The following PTK2B variants were observed in gnomAD, a reference collection of about 807,000 sequenced individuals.
The protein encoded by PTK2B is protein tyrosine kinase 2 beta, also known as protein-tyrosine kinase 2-beta.
A neutral mutation model predicts 142.9 loss-of-function variants in PTK2B; 71 were observed. The ratio of observed to expected loss-of-function variants is 0.50; its 90% CI spans 0.41 to 0.61. The LOEUF is 0.61. Among genes scored for constraint, PTK2B ranks in the 20% least tolerant of loss-of-function variants. PTK2B has a pLI of 0.00. For synonymous variants in PTK2B, 519 were observed against 503.4 expected (o/e 1.03, Z -0.42); for missense variants, 1,105 against 1,320.4 (o/e 0.84, Z 2.53).
At chr8:27,372,469 C>T (rs1586181683) in intron 1 of PTK2B, among the ~76,000 whole-genome samples, 2 of 152,266 alleles carry the variant, frequency 1.3e-5, no homozygotes. Flanking sequence ...GCAGGGGGGT[C>T]AGCCTTTTGT....
chr8:27,451,452 T>C, intron 26 of PTK2B, 33 bp from the exon 27 acceptor site: 2 of 1,613,312 alleles, frequency 1.2e-6, no homozygotes, highest in East Asian at 2.2e-5. Flanking sequence ...GCCGCATGAG[T>C]GACGTTCCTG....
At chr8:27,454,721 G>A in intron 30 of PTK2B, 110 bp downstream of exon 30, 2 of 1,154,582 alleles carry the variant, frequency 1.7e-6, no homozygotes, top group Non-Finnish European at 2.5e-6. Flanking sequence ...TGTCCACTGA[G>A]TCCCCACCAG....
intron 1 of PTK2B, among the ~76,000 whole-genome samples, chr8:27,335,941 T>A (rs1804034716): frequency 6.6e-6 from 1 of 152,186 alleles, no homozygotes; most frequent in African/African-American, 2.4e-5. Context: ...GAAGGCGAGG[T>A]ACCTACCAGG....
intron 1 of PTK2B, among the ~76,000 whole-genome samples, chr8:27,377,492 A>G (rs1236954560): frequency 1.3e-5 from 2 of 152,214 alleles, no homozygotes; most frequent in Admixed American, 6.5e-5. Context: ...TGCCAGTGTG[A>G]TAAGAACTTT....
rs1812301432 is a variant in PTK2B at position 27,458,546 on chromosome 8, C to T, written c.*37C>T. 6.5e-7 allele frequency: 1 copy of T among 1,541,200 alleles called. No individual in the cohort carries two copies. The highest frequency in any genetic ancestry group is 1.2e-5 in the South Asian group (1 of 83,766). The stretch of plus-strand genomic sequence containing the variant: ...GGCCACCTGCCTGCGTCTTCCGCCC[C>T]TGCCTGCCATGTACCTCCCCTGCCT... On this transcript the variant is annotated 3_prime_UTR_variant, in exon 31 of 31. Coordinates refer to ENST00000346049, the MANE Select transcript of PTK2B (RefSeq NM_173176.3).
chr8:27,439,114 A>T lies in PTK2B; in HGVS notation c.1727A>T (p.Asp576Val). ...TTTGGTCTTTCCCGGTACATTGAGG[A>T]CGAGGACTATTACAAAGGTGAGGGG... is the stretch of plus-strand genomic sequence containing the variant. ...GDFGLSRYIE[D>V]EDYYKASVTR... Residue 576 changes from aspartate to valine, a missense_variant, in exon 19 of 31, where the codon GAC becomes GTC. Asp to Val is a radical substitution (Grantham distance 152). Coordinates refer to ENST00000346049, the MANE Select transcript of PTK2B (RefSeq NM_173176.3). The T allele has an allele frequency of 6.2e-7, 1 of 1,613,802 alleles. No individual in the cohort carries two copies. Among genetic ancestry groups the T allele is most frequent in the South Asian group, 1.1e-5 (1 of 91,070 alleles).
At chr8:27,422,448 C>T (rs897214418) in intron 5 of PTK2B, 65 bp downstream of exon 5, 1 of 1,373,242 alleles carries the variant, frequency 7.3e-7, no homozygotes. Context: ...CCCGACCTTT[C>T]CCCATGTCCA....
intron 6 of PTK2B, 92 bp from the exon 7 acceptor site, chr8:27,430,272 C>T: frequency 6.3e-7 from 1 of 1,591,538 alleles, no homozygotes; most frequent in Non-Finnish European, 8.6e-7. Flanking sequence ...GTCTCTAGGT[C>T]CCAAAGCCCT....
chr8:27,411,354 C>G (rs1809051351), intron 2 of PTK2B, among the ~76,000 whole-genome samples: 1 of 152,118 alleles, frequency 6.6e-6, no homozygotes, highest in African/African-American at 2.4e-5. Context: ...CAGCACTTAC[C>G]TTTCTGTTAC....
chr8:27,389,129 T>C (rs899859373), intron 1 of PTK2B, among the ~76,000 whole-genome samples: 2 of 152,156 alleles, frequency 1.3e-5, no homozygotes, highest in Non-Finnish European at 2.9e-5. Context: ...TTGTGTGTTT[T>C]GTTCCGTTTT....
chr8:27,354,498 C>A (rs1249362616), intron 1 of PTK2B, among the ~76,000 whole-genome samples: 1 of 152,126 alleles, frequency 6.6e-6, no homozygotes, highest in East Asian at 1.9e-4. Flanking sequence ...ACAGATGAAA[C>A]AATTGAGGTC....
At chr8:27,438,104 A>T in intron 18 of PTK2B, 1 of 503,618 alleles carries the variant, frequency 2.0e-6, no homozygotes, top group African/African-American at 1.9e-5. Context: ...AGTAACTCTG[A>T]AGTCCGAGGT....
chr8:27,315,519 T>C (rs1803074798), intron 3 of PTK2B, among the ~76,000 whole-genome samples: 1 of 152,132 alleles, frequency 6.6e-6, no homozygotes, highest in Non-Finnish European at 1.5e-5. Context: ...GTCGTCTCAT[T>C]CTCTTTCACT....
chr8:27,327,972 A>G (rs867097010), intron 1 of PTK2B, among the ~76,000 whole-genome samples: 17 of 152,342 alleles, frequency 1.1e-4, no homozygotes, highest in Admixed American at 4.6e-4. Context: ...GCTTGGGTTC[A>G]TTTACTTCCA....
intron 1 of PTK2B, chr8:27,326,824 C>T (rs2322720): frequency 0.28 from 43,043 of 152,392 alleles, 6,394 homozygotes; most frequent in Middle Eastern, 0.46. Context: ...CTGCAGTCAT[C>T]CATTCAGGAG....
intron 2 of PTK2B, among the ~76,000 whole-genome samples, chr8:27,406,478 T>G (rs1037981198): frequency 6.6e-6 from 1 of 152,174 alleles, no homozygotes; most frequent in African/African-American, 2.4e-5. Context: ...GGGCCTTTTG[T>G]CCATTTAAAA....
At chr8:27,406,507 T>C (rs536697393) in intron 2 of PTK2B, among the ~76,000 whole-genome samples, 9 of 152,144 alleles carry the variant, frequency 5.9e-5, no homozygotes, top group Non-Finnish European at 1.2e-4. Flanking sequence ...TATGTCATTT[T>C]GGGGTATGTG....
chr8:27,430,799 T>C (rs1191119218), intron 7 of PTK2B, 77 bp from the exon 8 acceptor site: 1 of 1,548,500 alleles, frequency 6.5e-7, no homozygotes, highest in Non-Finnish European at 8.8e-7. Flanking sequence ...GTGGGCAGTC[T>C]CTCAGCGAGA....
intron 1 of PTK2B, among the ~76,000 whole-genome samples, chr8:27,376,796 A>G (rs756335683): frequency 6.6e-6 from 1 of 152,216 alleles, no homozygotes; most frequent in Non-Finnish European, 1.5e-5. Flanking sequence ...TGAATAATCC[A>G]CCCTTTGTTT....
Sources: allele counts gnomAD v4.1 joint callset (sites outside exome capture counted in the v4.1 genomes callset), GRCh38; gene constraint gnomAD v4.1.1; transcripts MANE v1.5; gene names NCBI Gene and HGNC (gene_info 2026-07-23, HGNC 2026-07-21).